The following CDCA2 variants were observed in gnomAD, a reference collection of about 807,000 sequenced individuals.
CDCA2 encodes the protein cell division cycle associated 2, also known as cell division cycle-associated protein 2.
A neutral mutation model predicts 67.0 loss-of-function variants in CDCA2; 44 were observed. The observed-to-expected ratio is 0.66, with a 90% CI of 0.52 to 0.84. The LOEUF is 0.84. Among genes scored for constraint, CDCA2 ranks in the 40% least tolerant of loss-of-function variants. The pLI is 0.00. For missense variants in CDCA2, 1,253 were observed against 1,203.2 expected, an observed-to-expected ratio of 1.04 and a Z score of -0.61; for synonymous variants, 447 against 418.7, an observed-to-expected ratio of 1.07 and a Z score of -0.82.
intron 13 of CDCA2, among the ~76,000 whole-genome samples, chr8:25,496,237 G>A (rs996649030): frequency 8.5e-5 from 13 of 152,216 alleles, no homozygotes; most frequent in African/African-American, 2.9e-4. Flanking sequence ...GCATTGCAAA[G>A]CATTGAAGTA....
intron 13 of CDCA2, among the ~76,000 whole-genome samples, chr8:25,492,094 C>T (rs1804029928): frequency 6.6e-6 from 1 of 151,490 alleles, no homozygotes; most frequent in Non-Finnish European, 1.5e-5. Context: ...CCACGCCTGG[C>T]TGGCTAATTT....
intron 13 of CDCA2, among the ~76,000 whole-genome samples, chr8:25,492,496 A>T (rs1242484721): frequency 6.6e-6 from 1 of 152,216 alleles, no homozygotes; most frequent in Non-Finnish European, 1.5e-5. Context: ...AAGGTATGTC[A>T]CATAAGAAAA....
chr8:25,479,534 T>G (rs1373490702), intron 7 of CDCA2, among the ~76,000 whole-genome samples: 1 of 152,172 alleles, frequency 6.6e-6, no homozygotes, highest in Non-Finnish European at 1.5e-5. Flanking sequence ...GCGGTAAAAT[T>G]GCTTATTAGT....
chr8:25,487,957 GA>G (rs1430726122), intron 12 of CDCA2, among the ~76,000 whole-genome samples: 1 of 152,072 alleles, frequency 6.6e-6, no homozygotes, highest in Non-Finnish European at 1.5e-5. Flanking sequence ...AACAGAACCA[GA>G]AAATAATATA....
intron 14 of CDCA2, among the ~76,000 whole-genome samples, chr8:25,505,644 G>T (rs1804647108): frequency 6.6e-6 from 1 of 152,014 alleles, no homozygotes; most frequent in Non-Finnish European, 1.5e-5. Flanking sequence ...TGGAAACATT[G>T]TTTTTTTAGA....
intron 8 of CDCA2, among the ~76,000 whole-genome samples, chr8:25,480,914 A>G (rs1339153883): frequency 6.6e-6 from 1 of 152,216 alleles, no homozygotes; most frequent in East Asian, 1.9e-4. Flanking sequence ...GAGTAATTTG[A>G]GCATTAAATG....
intron 13 of CDCA2, among the ~76,000 whole-genome samples, chr8:25,491,677 T>C (rs75075727): frequency 1.8e-3 from 280 of 152,350 alleles, no homozygotes; most frequent in Middle Eastern, 3.4e-3. Context: ...AGTGTAGTGC[T>C]GTGGTCACTG....
Position 25,461,221 on chromosome 8 carries a change from C to T in CDCA2, c.232+667C>T, listed in dbSNP as rs183525589. 2.9e-5 allele frequency among the ~76,000 whole-genome samples: 4 copies of T among 137,556 alleles called. No individual in the cohort carries two copies. The East Asian group carries it at 8.8e-4, about 30-fold the overall frequency. 90.2% of individuals were successfully genotyped at this position (137,556 alleles called of 152,430 possible). On this transcript the variant is annotated intron_variant, in intron 3 of 14. Transcript: ENST00000330560. ...GGCAGAGGTTACCGTGAGTCGAAAT[C>T]GCACCATTGCATTCCAGCCTGGGCA...
At chr8:25,477,033 T>C (rs1019311597) in intron 7 of CDCA2, among the ~76,000 whole-genome samples, 3 of 152,166 alleles carry the variant, frequency 2.0e-5, no homozygotes, top group African/African-American at 7.2e-5. Flanking sequence ...CAGAACACCA[T>C]TTCTTTACTC....
chr8:25,468,924 C>T (rs989789975), intron 6 of CDCA2, among the ~76,000 whole-genome samples: 7 of 152,206 alleles, frequency 4.6e-5, no homozygotes, highest in African/African-American at 1.4e-4. Flanking sequence ...TCAGCAATTT[C>T]TCCTTTGCTC....
chr8:25,496,164 G>C (rs1804215013), intron 13 of CDCA2, among the ~76,000 whole-genome samples: 1 of 152,114 alleles, frequency 6.6e-6, no homozygotes, highest in African/African-American at 2.4e-5. Context: ...AAAACTACTG[G>C]TGTCATGTTA....
At chr8:25,492,452 A>G (rs1366347349) in intron 13 of CDCA2, among the ~76,000 whole-genome samples, 1 of 152,192 alleles carries the variant, frequency 6.6e-6, no homozygotes, top group African/African-American at 2.4e-5. Context: ...TAAAAAACGG[A>G]AAAGACCTGT....
chr8:25,495,421 CT>C (rs10674772), intron 13 of CDCA2, among the ~76,000 whole-genome samples: 22 of 148,150 alleles, frequency 1.5e-4, no homozygotes, highest in Middle Eastern at 3.4e-3. Context: ...TGGGATAAAT[CT>C]TTTTTTTTTT....
intron 7 of CDCA2, among the ~76,000 whole-genome samples, chr8:25,475,576 C>CAGTA: frequency 6.6e-6 from 1 of 152,242 alleles, no homozygotes; most frequent in Non-Finnish European, 1.5e-5. Flanking sequence ...CACATCTTTA[C>CAGTA]AGCTAGGGTT....
rs114424225 is a variant in CDCA2 at position 25,506,615 on chromosome 8, G to A, written c.1949G>A (p.Gly650Asp). 4.0e-4 allele frequency: 648 copies of A among 1,613,164 alleles called. 1 individual carries two copies. The African/African-American group carries it at 7.8e-3, about 19-fold the overall frequency. The change falls in exon 15 of 15, where the codon GGC (glycine) becomes GAC (aspartate). Residue 650 changes from glycine (G) to aspartate (D), a missense_variant. By Grantham distance (94) the Gly-to-Asp change is moderately conservative. Transcript: ENST00000330560. ...GACCCAGATTTGCATATGCATCAAG[G>A]CTATGATAAATATGATGTCTCTGAA... Reference protein sequence around the residue: ...RHDPDLHMHQGYDKYDVSEFC... With the variant: ...RHDPDLHMHQDYDKYDVSEFC...
chr8:25,483,562 T>G, intron 9 of CDCA2, 76 bp downstream of exon 9: 1 of 1,040,238 alleles, frequency 9.6e-7, no homozygotes, highest in Non-Finnish European at 1.4e-6. Flanking sequence ...ATATATGAAA[T>G]TTTCAATGAT....
chr8:25,485,632 T>C (rs1190585380), intron 10 of CDCA2, 127 bp from the exon 11 acceptor site: 2 of 509,964 alleles, frequency 3.9e-6, no homozygotes, highest in Non-Finnish European at 7.0e-6. Context: ...TAGAATCTTT[T>C]ATTGATTACC....
intron 13 of CDCA2, among the ~76,000 whole-genome samples, chr8:25,496,069 A>G (rs1330607100): frequency 6.6e-6 from 1 of 152,144 alleles, no homozygotes; most frequent in African/African-American, 2.4e-5. Flanking sequence ...CCCTTGGTGA[A>G]ATGGCTGCTT....
At chr8:25,463,876 A>G (rs1040242040) in intron 4 of CDCA2, among the ~76,000 whole-genome samples, 4 of 152,048 alleles carry the variant, frequency 2.6e-5, no homozygotes, top group African/African-American at 9.7e-5. Flanking sequence ...TTTCTGCCCC[A>G]TCCTGTTTCC....
Sources: gnomAD v4.1 joint callset for allele counts (sites outside exome capture counted in the v4.1 genomes callset) on GRCh38, gnomAD v4.1.1 for gene constraint, MANE v1.5 for transcripts, NCBI Gene and HGNC (gene_info 2026-07-23, HGNC 2026-07-21) for gene names.